Variants in MEGF11 observed in about 807,000 individuals in gnomAD.
The protein encoded by MEGF11 is multiple EGF like domains 11.
Under a neutral mutation model 146.6 loss-of-function variants are expected in MEGF11, and 126 were observed. The ratio of observed to expected loss-of-function variants is 0.86; its 90% CI spans 0.74 to 1.00. The LOEUF (loss-of-function observed/expected upper bound fraction) is 1.00. MEGF11 is among the 50% of genes least tolerant of loss of function. MEGF11 has a pLI of 0.00. For synonymous variants in MEGF11, 532 were observed against 583.4 expected (o/e 0.91, Z 1.27); for missense variants, 1,509 against 1,521.2 (o/e 0.99, Z 0.13).
In MEGF11 at chr15:66,128,330, G is replaced by A. The variant is rs986608543; in HGVS notation, c.74C>T (p.Pro25Leu). Residue 25 changes from proline to leucine, a missense_variant, in exon 2 of 26, where the codon CCC becomes CTC. By Grantham distance (98) the Pro-to-Leu change is moderately conservative. Transcript: ENST00000395614. ...CCTCTCCCAGTGGCTGCACACGTTG[G>A]GGTCCTCGGGGTTCAGGGCAAGGGT... The part of the protein sequence containing the change: ...QATLALNPED[P>L]NVCSHWESYA... The A allele has an allele frequency of 2.0e-6, 3 of 1,523,496 alleles. No individual in the cohort carries two copies. The highest frequency in any genetic ancestry group is 4.3e-5 in the Admixed American group (2 of 47,046). 94.4% of individuals were successfully genotyped at this position (1,523,496 alleles called of 1,614,324 possible). A position where few individuals can be genotyped will look rare whatever the true frequency, so the allele number is the denominator to read the frequency against.
chr15:65,963,462 A>G (rs2080941115), intron 9 of MEGF11, among the ~76,000 whole-genome samples: 1 of 151,800 alleles, frequency 6.6e-6, no homozygotes, highest in Non-Finnish European at 1.5e-5. Context: ...CACATCTCTG[A>G]TATTGGGTAA....
intron 1 of MEGF11, among the ~76,000 whole-genome samples, chr15:66,144,165 G>A (rs1050705891): frequency 4.6e-5 from 7 of 152,122 alleles, no homozygotes; most frequent in Non-Finnish European, 8.8e-5. Context: ...ATGGCCTGAC[G>A]AACATTTTTC....
chr15:66,175,258 A>G (rs2090361729), intron 1 of MEGF11, among the ~76,000 whole-genome samples: 1 of 152,210 alleles, frequency 6.6e-6, no homozygotes, highest in Non-Finnish European at 1.5e-5. Context: ...AAAGCAATCT[A>G]CAGATCCAAT....
chr15:66,252,006 G>C (rs2092378057), intron 1 of MEGF11, among the ~76,000 whole-genome samples: 1 of 152,218 alleles, frequency 6.6e-6, no homozygotes. Flanking sequence ...GACCCTCTCC[G>C]GAAAGCCTCG....
chr15:66,237,757 C>T (rs1460694214), intron 1 of MEGF11, among the ~76,000 whole-genome samples: 1 of 152,204 alleles, frequency 6.6e-6, no homozygotes, highest in East Asian at 1.9e-4. Context: ...CCTGCCTCCA[C>T]CGCCCCTTCC....
intron 4 of MEGF11, among the ~76,000 whole-genome samples, chr15:66,110,163 C>CA (rs1386805116): frequency 6.6e-6 from 1 of 152,198 alleles, no homozygotes; most frequent in Non-Finnish European, 1.5e-5. Flanking sequence ...GGAATCCAGA[C>CA]AGACCACCAG....
At position 66,105,732 on chromosome 15, in the gene MEGF11, T is replaced by G. The variant is rs554175890; in HGVS notation, c.302-11238A>C. ...AGAGAGAATTTCTGCAGCTTATGCA[T>G]TTACCTTGCCAAAAGTTTAGCTGAG... On this transcript the variant is annotated intron_variant, in intron 4 of 25. Transcript: ENST00000395614. 3.9e-5 allele frequency among the ~76,000 whole-genome samples: 6 copies of G among 152,330 alleles called. No homozygotes were observed. In the East Asian group the frequency reaches 7.7e-4, roughly 20 times the overall value.
chr15:66,120,824 A>G (rs2087986244), intron 3 of MEGF11, among the ~76,000 whole-genome samples: 1 of 152,142 alleles, frequency 6.6e-6, no homozygotes, highest in Non-Finnish European at 1.5e-5. Flanking sequence ...CTCCCCAGCA[A>G]ACAGGATTAT....
At chr15:66,095,316 A>G (rs1005859761) in intron 4 of MEGF11, among the ~76,000 whole-genome samples, 1 of 152,174 alleles carries the variant, frequency 6.6e-6, no homozygotes, top group South Asian at 2.1e-4. Context: ...CTGCCCCACC[A>G]TCTAAGCCAT....
intron 1 of MEGF11, among the ~76,000 whole-genome samples, chr15:66,143,832 C>T (rs918508314): frequency 1.3e-5 from 2 of 152,150 alleles, no homozygotes; most frequent in Non-Finnish European, 2.9e-5. Context: ...CCTCATTCAC[C>T]GTGTCCTTTG....
At chr15:66,077,085 A>G (rs916267057) in intron 5 of MEGF11, among the ~76,000 whole-genome samples, 1 of 152,222 alleles carries the variant, frequency 6.6e-6, no homozygotes, top group Non-Finnish European at 1.5e-5. Context: ...CCCCATGCCC[A>G]CAGAATAATG....
At chr15:66,049,528 A>T (rs969310268) in intron 5 of MEGF11, among the ~76,000 whole-genome samples, 5 of 151,872 alleles carry the variant, frequency 3.3e-5, no homozygotes, top group Non-Finnish European at 7.4e-5. Context: ...TTTAATGGGG[A>T]CTTGCGCCTG....
intron 1 of MEGF11, among the ~76,000 whole-genome samples, chr15:66,146,995 G>T (rs1040945472): frequency 2.6e-5 from 4 of 152,154 alleles, no homozygotes; most frequent in African/African-American, 9.7e-5. Flanking sequence ...TCTCTCCAAG[G>T]CAGGCATAAT....
At chr15:65,984,708 A>G (rs2081791339) in intron 5 of MEGF11, among the ~76,000 whole-genome samples, 1 of 152,010 alleles carries the variant, frequency 6.6e-6, no homozygotes, top group African/African-American at 2.4e-5. Context: ...GAATTCACAT[A>G]GCTTATTGTC....
At chr15:66,234,983 A>G (rs1347730128) in intron 1 of MEGF11, among the ~76,000 whole-genome samples, 2 of 152,030 alleles carry the variant, frequency 1.3e-5, no homozygotes, top group African/African-American at 4.8e-5. Context: ...TCCTCATCCC[A>G]CAGGAAGTAA....
intron 5 of MEGF11, among the ~76,000 whole-genome samples, chr15:65,994,887 A>T (rs1282722800): frequency 6.6e-6 from 1 of 152,182 alleles, no homozygotes; most frequent in Non-Finnish European, 1.5e-5. Flanking sequence ...TGGTGCTTGG[A>T]GTTGCTTTGG....
intron 1 of MEGF11, among the ~76,000 whole-genome samples, chr15:66,187,137 A>T (rs778399521): frequency 7.9e-5 from 12 of 152,262 alleles, no homozygotes; most frequent in Non-Finnish European, 1.8e-4. Context: ...CCTTCTTTCC[A>T]ATTCCAAATC....
chr15:66,062,825 A>G (rs1426342761), intron 5 of MEGF11, among the ~76,000 whole-genome samples: 2 of 152,276 alleles, frequency 1.3e-5, no homozygotes, highest in African/African-American at 4.8e-5. Context: ...GCCCTAAGGC[A>G]GGAAAGGAAC....
At chr15:65,911,421 G>A (rs1454972798) in intron 21 of MEGF11, among the ~76,000 whole-genome samples, 3 of 152,182 alleles carry the variant, frequency 2.0e-5, no homozygotes, top group Admixed American at 6.5e-5. Flanking sequence ...AGTTGTTGTT[G>A]TTGTTTTTTG....
Sources: gnomAD v4.1 joint callset for allele counts (sites outside exome capture counted in the v4.1 genomes callset) on GRCh38, gnomAD v4.1.1 for gene constraint, MANE v1.5 for transcripts, NCBI Gene and HGNC (gene_info 2026-07-23, HGNC 2026-07-21) for gene names.